Variants in VSTM4 observed in about 807,000 individuals in gnomAD.
VSTM4 encodes V-set and transmembrane domain-containing protein 4.
VSTM4 carries 20 observed loss-of-function variants against 36.4 expected under a neutral mutation model. The observed-to-expected ratio is 0.55, with a 90% CI of 0.39 to 0.80. VSTM4 has a LOEUF of 0.80. Among genes scored for constraint, VSTM4 ranks in the 30% least tolerant of loss-of-function variants. VSTM4 has a pLI of 0.00. For missense variants in VSTM4, 392 were observed against 404.5 expected (o/e 0.97, Z 0.26); for synonymous variants, 182 against 173.9 (o/e 1.05, Z -0.37).
intron 7 of VSTM4, among the ~76,000 whole-genome samples, chr10:49,035,943 T>C (rs1357063168): frequency 6.6e-6 from 1 of 152,304 alleles, no homozygotes; most frequent in East Asian, 1.9e-4. Flanking sequence ...CTGACACAGC[T>C]GAGAAGCACG....
chr10:49,048,419 G>A, intron 6 of VSTM4, 59 bp downstream of exon 6: 1 of 1,460,472 alleles, frequency 6.8e-7, no homozygotes. Flanking sequence ...TGGAACCCCA[G>A]ACCCACAGGG....
chr10:49,072,935 T>C (rs1460506519), intron 4 of VSTM4, among the ~76,000 whole-genome samples: 1 of 152,226 alleles, frequency 6.6e-6, no homozygotes, highest in Non-Finnish European at 1.5e-5. Context: ...AAGCCACTAC[T>C]TCCTGGGTGA....
intron 7 of VSTM4, among the ~76,000 whole-genome samples, chr10:49,035,669 CAAAAA>C (rs3080379): frequency 1.0e-4 from 7 of 69,292 alleles, no homozygotes; most frequent in East Asian, 5.0e-4. Flanking sequence ...CCCAGCTCCA[CAAAAA>C]AAAAAAAAAA....
chr10:49,023,480 CAT>C (rs1252168354), intron 7 of VSTM4, among the ~76,000 whole-genome samples: 1 of 152,166 alleles, frequency 6.6e-6, no homozygotes, highest in Admixed American at 6.5e-5. Context: ...ATTTTTGGCA[CAT>C]CACTAAGACT....
intron 7 of VSTM4, among the ~76,000 whole-genome samples, chr10:49,042,478 G>A (rs1843536460): frequency 6.6e-6 from 1 of 152,226 alleles, no homozygotes; most frequent in East Asian, 1.9e-4. Context: ...AGGCATTCAG[G>A]ATCACATATA....
chr10:49,069,725 T>C (rs1284808400), intron 4 of VSTM4, among the ~76,000 whole-genome samples: 10 of 152,178 alleles, frequency 6.6e-5, no homozygotes. Context: ...AGTGGGAAGC[T>C]GAGGAGAAGC....
chr10:49,063,512 C>A (rs906771552), intron 5 of VSTM4, among the ~76,000 whole-genome samples: 2 of 152,120 alleles, frequency 1.3e-5, no homozygotes, highest in South Asian at 2.1e-4. Flanking sequence ...CTATATAAAT[C>A]TCTTATTTTT....
chr10:49,101,183 C>A (rs117872559), intron 2 of VSTM4, among the ~76,000 whole-genome samples: 5,930 of 151,712 alleles, frequency 0.039, 223 homozygotes, highest in Non-Finnish European at 0.044. Flanking sequence ...AATTACATTT[C>A]AATAAAAAAT....
chr10:49,051,776 G>A (rs534264189), intron 5 of VSTM4, among the ~76,000 whole-genome samples: 14 of 152,290 alleles, frequency 9.2e-5, no homozygotes, highest in South Asian at 6.2e-4. Context: ...CTGCTGAAAG[G>A]CATCTCAGCT....
chr10:49,105,225 G>GAC (rs1399310398), intron 2 of VSTM4, among the ~76,000 whole-genome samples: 2 of 148,544 alleles, frequency 1.3e-5, no homozygotes, highest in Non-Finnish European at 3.0e-5. Flanking sequence ...GAGAGAGAGA[G>GAC]AGAGAGAGAG....
chr10:49,017,892 C>T lies in VSTM4; in HGVS notation c.*1758G>A, dbSNP rs1276831858. 6.6e-6 allele frequency: 1 copy of T among 152,210 alleles called. No homozygotes were observed. Among genetic ancestry groups the T allele is most frequent in the Non-Finnish European group, 1.5e-5 (1 of 68,034 alleles). The allele number at this position is 152,210 out of a possible 1,614,324, so 9.4% of individuals were successfully genotyped here. On this transcript the variant is annotated 3_prime_UTR_variant, in exon 8 of 8. Transcript: ENST00000332853. ...GTGTGCTAACCATATATCCTCCCCT[C>T]CCAAAGAGATGCTCAAAGAAGTTCT...
Position 49,029,827 on chromosome 10 carries a change from T to C in VSTM4, c.838-10052A>G, listed in dbSNP as rs1843317869. Among the ~76,000 whole-genome samples the C allele has an allele frequency of 2.0e-5, 3 of 152,230 alleles. 1 individual carries two copies. The highest frequency in any genetic ancestry group is 4.1e-4 in the South Asian group (2 of 4,830). ...CCATCCTCATCAGAGGCAGGAGCCC[T>C]GGCTTGGTGTGGAGAAACAGAAGAC... On this transcript the variant is annotated intron_variant, in intron 7 of 7. Transcript: ENST00000332853.
At chr10:49,105,073 G>C (rs1322329255) in intron 2 of VSTM4, among the ~76,000 whole-genome samples, 1 of 150,934 alleles carries the variant, frequency 6.6e-6, no homozygotes, top group Non-Finnish European at 1.5e-5. Flanking sequence ...GGGAGAGACA[G>C]AGACACAGAG....
rs12779947 is a variant in VSTM4, at chr10:49,016,359, G to T, written c.*3291C>A. On this transcript the variant is annotated 3_prime_UTR_variant, in exon 8 of 8. Transcript: ENST00000332853. ...TGCTCAGTGTCTGTTGCCTTCCAAG[G>T]CTTCTCCACTAGGCAGGAGATGTGG... 0.16 allele frequency: 24,039 copies of T among 152,118 alleles called. 2,094 individuals carry two copies. Among genetic ancestry groups the T allele is most frequent in the South Asian group, 0.36 (1,741 of 4,814 alleles). The allele number at this position is 152,118 out of a possible 1,614,324, so 9.4% of individuals were successfully genotyped here. A position where few individuals can be genotyped will look rare whatever the true frequency, so the allele number is the denominator to read the frequency against.
intron 7 of VSTM4, among the ~76,000 whole-genome samples, chr10:49,020,881 C>A (rs1163877703): frequency 4.6e-5 from 7 of 151,960 alleles, no homozygotes; most frequent in African/African-American, 1.7e-4. Context: ...GATAGATAAT[C>A]ATATTCAAGT....
At chr10:49,029,858 G>A (rs961327657) in intron 7 of VSTM4, among the ~76,000 whole-genome samples, 1 of 152,208 alleles carries the variant, frequency 6.6e-6, no homozygotes, top group Non-Finnish European at 1.5e-5. Flanking sequence ...AAGACTTGAG[G>A]CCACAGAACC....
At position 49,086,040 on chromosome 10, in the gene VSTM4, A is replaced by G. The variant is rs1376280570; in HGVS notation, c.458-17T>C. 10 of 1,549,174 alleles carry G rather than the reference A, an allele frequency of 6.5e-6. No individual in the cohort carries two copies. Among genetic ancestry groups the G allele is most frequent in the Non-Finnish European group, 8.8e-6 (10 of 1,142,732 alleles). On this transcript the variant is annotated splice_polypyrimidine_tract_variant and intron_variant, in intron 2 of 7. Coordinates refer to ENST00000332853, the MANE Select transcript of VSTM4 (RefSeq NM_001031746.5). The stretch of plus-strand genomic sequence containing the variant: ...GGGAAATGACTGAAAGACAAAAAAG[A>G]AACAGCACAGTATGAAAAAATAATG...
intron 3 of VSTM4, among the ~76,000 whole-genome samples, chr10:49,082,898 C>G (rs1363719920): frequency 6.6e-6 from 1 of 152,236 alleles, no homozygotes; most frequent in East Asian, 1.9e-4. Context: ...GGAGCAGCTG[C>G]CCATGCAGAG....
chr10:49,107,566 C>A, intron 2 of VSTM4, 28 bp downstream of exon 2: 1 of 1,576,932 alleles, frequency 6.3e-7, no homozygotes, highest in East Asian at 2.3e-5. Context: ...CCACCACCAC[C>A]TCTACCCAGG....
Sources: gnomAD v4.1 joint callset for allele counts (sites outside exome capture counted in the v4.1 genomes callset) on GRCh38, gnomAD v4.1.1 for gene constraint, MANE v1.5 for transcripts, NCBI Gene and HGNC (gene_info 2026-07-23, HGNC 2026-07-21) for gene names.